LEKR1: variants seen among roughly 807,000 people sequenced by gnomAD.
LEKR1 encodes the protein protein LEKR1.
In LEKR1, 59 loss-of-function variants were observed where a neutral mutation model predicts 72.4. The ratio of observed to expected loss-of-function variants is 0.82; its 90% CI spans 0.66 to 1.01. LEKR1 has a LOEUF of 1.01. Ranked by LOEUF, LEKR1 falls within the 50% of genes least tolerant of loss-of-function variation. LEKR1 has a pLI of 0.00. For missense variants in LEKR1, 728 were observed against 759.2 expected (o/e 0.96, Z 0.48); for synonymous variants, 257 against 263.2 (o/e 0.98, Z 0.23).
intron 5 of LEKR1, among the ~76,000 whole-genome samples, chr3:156,931,115 G>T (rs1156289711): frequency 1.3e-5 from 2 of 152,088 alleles, no homozygotes; most frequent in African/African-American, 4.8e-5. Context: ...GTATGAAAAT[G>T]AATAGTTAAA....
chr3:156,893,388 C>A (rs752833434), intron 3 of LEKR1, among the ~76,000 whole-genome samples: 2 of 152,150 alleles, frequency 1.3e-5, no homozygotes, highest in Admixed American at 6.6e-5. Context: ...AAAATAATAG[C>A]ATTCAGCTAC....
intron 7 of LEKR1, among the ~76,000 whole-genome samples, chr3:156,989,631 T>G (rs1300799737): frequency 6.6e-6 from 1 of 152,232 alleles, no homozygotes; most frequent in African/African-American, 2.4e-5. Flanking sequence ...ATTTTTCTAT[T>G]TCTTCTTTTC....
intron 9 of LEKR1, among the ~76,000 whole-genome samples, chr3:157,006,660 C>A (rs73873770): frequency 0.012 from 1,756 of 152,216 alleles, 38 homozygotes; most frequent in African/African-American, 0.041. Context: ...GTACAATGGA[C>A]TACTACTCAG....
intron 3 of LEKR1, among the ~76,000 whole-genome samples, chr3:156,865,056 T>C (rs145626624): frequency 0.017 from 2,517 of 152,182 alleles, 26 homozygotes; most frequent in Non-Finnish European, 0.026. Context: ...TCTTCAGCTC[T>C]CTTTTTAACA....
chr3:156,848,110 A>G (rs1714853820), intron 2 of LEKR1, among the ~76,000 whole-genome samples: 1 of 152,194 alleles, frequency 6.6e-6, no homozygotes, highest in African/African-American at 2.4e-5. Context: ...GTAAGCAACA[A>G]TTTTCAAATT....
At chr3:156,942,462 C>A in intron 5 of LEKR1, 67 bp from the exon 6 acceptor site, 2 of 488,002 alleles carry the variant, frequency 4.1e-6, no homozygotes, top group Admixed American at 5.0e-5. Flanking sequence ...AGAAACTAAT[C>A]AATCTTTAGA....
At chr3:156,926,436 C>A (rs906031276) in intron 4 of LEKR1, among the ~76,000 whole-genome samples, 6 of 152,008 alleles carry the variant, frequency 3.9e-5, no homozygotes, top group Non-Finnish European at 8.8e-5. Flanking sequence ...CTCTATTCAG[C>A]CTTTTTCTGC....
chr3:156,835,473 C>G (rs1712983979), intron 2 of LEKR1, among the ~76,000 whole-genome samples: 1 of 152,192 alleles, frequency 6.6e-6, no homozygotes, highest in Non-Finnish European at 1.5e-5. Flanking sequence ...AATCCTGGGT[C>G]CCCCAAAAGA....
intron 9 of LEKR1, among the ~76,000 whole-genome samples, chr3:157,005,411 T>A (rs1425706282): frequency 1.3e-5 from 2 of 152,098 alleles, no homozygotes; most frequent in Non-Finnish European, 2.9e-5. Context: ...CTCAAACTCT[T>A]CCTGAAAATT....
At chr3:156,872,478 A>G (rs188486278) in intron 3 of LEKR1, among the ~76,000 whole-genome samples, 5 of 151,334 alleles carry the variant, frequency 3.3e-5, no homozygotes, top group Non-Finnish European at 5.9e-5. Flanking sequence ...CATTCCTTCT[A>G]CTTATTTGGG....
chr3:157,008,777 C>A (rs542592134), intron 9 of LEKR1, among the ~76,000 whole-genome samples: 5 of 152,150 alleles, frequency 3.3e-5, no homozygotes, highest in Non-Finnish European at 5.9e-5. Flanking sequence ...TAAATAAAAT[C>A]ATTCCATATG....
At chr3:156,878,286 C>T (rs973233155) in intron 3 of LEKR1, among the ~76,000 whole-genome samples, 1 of 152,024 alleles carries the variant, frequency 6.6e-6, no homozygotes, top group Non-Finnish European at 1.5e-5. Context: ...CCTGTTAACA[C>T]TGTTTTTGCT....
intron 3 of LEKR1, among the ~76,000 whole-genome samples, chr3:156,919,742 G>A (rs543260263): frequency 1.4e-4 from 21 of 152,258 alleles, no homozygotes; most frequent in African/African-American, 4.8e-4. Flanking sequence ...TTGCCATGAT[G>A]TATTAGATCA....
chr3:156,888,884 A>G (rs906930999), intron 3 of LEKR1, among the ~76,000 whole-genome samples: 8 of 152,190 alleles, frequency 5.3e-5, no homozygotes, highest in Non-Finnish European at 1.2e-4. Context: ...ATACTTTGTT[A>G]ATGTCTTTGA....
chr3:156,842,160 T>A (rs781383148), intron 2 of LEKR1, among the ~76,000 whole-genome samples: 1 of 152,154 alleles, frequency 6.6e-6, no homozygotes, highest in South Asian at 2.1e-4. Flanking sequence ...GCCAAAAAAA[T>A]TGGGGACTGC....
At chr3:156,925,265 C>A (rs1724601184) in intron 4 of LEKR1, 1 of 149,870 alleles carries the variant, frequency 6.7e-6, no homozygotes. Flanking sequence ...TATCATGTAT[C>A]CTGTGACCTT....
chr3:156,836,161 C>T (rs570403694), intron 2 of LEKR1, among the ~76,000 whole-genome samples: 1 of 152,176 alleles, frequency 6.6e-6, no homozygotes, highest in East Asian at 1.9e-4. Flanking sequence ...GCCTAAGCCA[C>T]CAAGCCCAGC....
chr3:156,875,671 T>G (rs1718469482), intron 3 of LEKR1, among the ~76,000 whole-genome samples: 2 of 152,052 alleles, frequency 1.3e-5, no homozygotes, highest in South Asian at 4.1e-4. Context: ...TAGATTGAAG[T>G]ATTTGATCCA....
At chr3:156,981,313 A>G (rs1417033719) in intron 7 of LEKR1, among the ~76,000 whole-genome samples, 4 of 152,192 alleles carry the variant, frequency 2.6e-5, no homozygotes, top group East Asian at 1.9e-4. Flanking sequence ...TTTGTTTATT[A>G]TAATTTTAAC....
Sources: allele counts gnomAD v4.1 joint callset (sites outside exome capture counted in the v4.1 genomes callset), GRCh38; gene constraint gnomAD v4.1.1; transcripts MANE v1.5; gene names NCBI Gene and HGNC (gene_info 2026-07-23, HGNC 2026-07-21).